CNTN5: variants seen among roughly 807,000 people sequenced by gnomAD.
The protein encoded by CNTN5 is contactin 5.
Under a neutral mutation model 129.1 loss-of-function variants are expected in CNTN5, and 77 were observed. That is an observed-to-expected ratio of 0.60 (90% CI 0.50 to 0.72). CNTN5 has a LOEUF of 0.72. Among genes scored for constraint, CNTN5 ranks in the 30% least tolerant of loss-of-function variants. The probability of loss-of-function intolerance (pLI) is 0.00; values close to 1 mark genes in which losing one functional copy is unlikely to be tolerated. For missense variants in CNTN5, 1,478 were observed against 1,328.8 expected, an observed-to-expected ratio of 1.11 and a Z score of -1.75; for synonymous variants, 509 against 465.6, an observed-to-expected ratio of 1.09 and a Z score of -1.20.
chr11:100,015,335 A>C (rs956360083), intron 9 of CNTN5, among the ~76,000 whole-genome samples: 1 of 152,160 alleles, frequency 6.6e-6, no homozygotes, highest in Non-Finnish European at 1.5e-5. Flanking sequence ...CAATTTTTCT[A>C]CTTGGGTTCT....
chr11:100,230,466 A>G (rs1949465512), intron 16 of CNTN5, among the ~76,000 whole-genome samples: 1 of 150,902 alleles, frequency 6.6e-6, no homozygotes, highest in African/African-American at 2.4e-5. Flanking sequence ...TTAAACTGAC[A>G]AAAAAGTAAC....
intron 1 of CNTN5, among the ~76,000 whole-genome samples, chr11:99,067,673 A>T (rs561558853): frequency 6.6e-6 from 1 of 152,296 alleles, no homozygotes; most frequent in East Asian, 1.9e-4. Flanking sequence ...CACTTTGTAA[A>T]ACTAAATTAA....
chr11:100,017,197 A>G (rs1940873196), intron 9 of CNTN5, among the ~76,000 whole-genome samples: 1 of 151,912 alleles, frequency 6.6e-6, no homozygotes, highest in South Asian at 2.1e-4. Flanking sequence ...CCTACAGAGA[A>G]ATGCAGCCTT....
intron 1 of CNTN5, among the ~76,000 whole-genome samples, chr11:99,320,943 C>T (rs1865542389): frequency 6.6e-6 from 1 of 152,122 alleles, no homozygotes; most frequent in Non-Finnish European, 1.5e-5. Flanking sequence ...CAGTTCAAGT[C>T]CTGAATAGAA....
chr11:100,354,482 T>G (rs1952482613), intron 24 of CNTN5, among the ~76,000 whole-genome samples: 2 of 151,822 alleles, frequency 1.3e-5, no homozygotes, highest in East Asian at 1.9e-4. Context: ...CACCATTTTT[T>G]GCCAGGTTTG....
chr11:100,025,142 A>G (rs1197794562), intron 9 of CNTN5, among the ~76,000 whole-genome samples: 3 of 152,306 alleles, frequency 2.0e-5, no homozygotes, highest in East Asian at 3.9e-4. Flanking sequence ...GCCCAGAGCC[A>G]TGCTGCTTTG....
chr11:99,233,713 C>T (rs185548530), intron 1 of CNTN5, among the ~76,000 whole-genome samples: 96 of 152,084 alleles, frequency 6.3e-4, no homozygotes, highest in African/African-American at 2.2e-3. Flanking sequence ...TTTGGGAGGC[C>T]GAGGTGGGTG....
At chr11:99,753,885 G>T (rs1438328374) in intron 3 of CNTN5, among the ~76,000 whole-genome samples, 1 of 150,200 alleles carries the variant, frequency 6.7e-6, no homozygotes, top group African/African-American at 2.4e-5. Context: ...ATGGGGTTTT[G>T]CTATGTTGGC....
intron 2 of CNTN5, among the ~76,000 whole-genome samples, chr11:99,389,324 G>T (rs574532056): frequency 6.6e-6 from 1 of 151,882 alleles, no homozygotes. Context: ...CACCGTGCCT[G>T]GCCTCCAGTC....
chr11:99,278,280 A>G (rs553566213), intron 1 of CNTN5, among the ~76,000 whole-genome samples: 10 of 151,768 alleles, frequency 6.6e-5, no homozygotes, highest in African/African-American at 1.7e-4. Context: ...TTTATTCACA[A>G]GAACCCTGTG....
intron 1 of CNTN5, among the ~76,000 whole-genome samples, chr11:99,104,179 G>T (rs1031609707): frequency 2.0e-5 from 3 of 152,110 alleles, no homozygotes; most frequent in Non-Finnish European, 4.4e-5. Flanking sequence ...TGACATAATG[G>T]TTGAAAGTAG....
rs373837549 is a variant in CNTN5, at chr11:99,102,239, T to C, written c.-210+80969T>C. Among the ~76,000 whole-genome samples, 5 of 152,070 alleles carry C rather than the reference T, an allele frequency of 3.3e-5. No individual in the cohort carries two copies. The East Asian group carries it at 5.8e-4, about 18-fold the overall frequency. ...ACCACAAAACCATATTTTTTTCTCATAGGCCTCTTGGTCAGTGATGGGAGG... is the reference window on the plus strand; with the variant it reads ...ACCACAAAACCATATTTTTTTCTCACAGGCCTCTTGGTCAGTGATGGGAGG... On this transcript the variant is annotated intron_variant, in intron 1 of 24. Transcript: ENST00000524871.
chr11:99,730,244 T>C (rs2135091702), intron 3 of CNTN5, among the ~76,000 whole-genome samples: 1 of 152,284 alleles, frequency 6.6e-6, no homozygotes, highest in East Asian at 1.9e-4. Flanking sequence ...TGGAACTGGC[T>C]TCTGATTCTA....
chr11:99,733,460 C>T (rs574663672), intron 3 of CNTN5, among the ~76,000 whole-genome samples: 2 of 149,660 alleles, frequency 1.3e-5, no homozygotes, highest in Non-Finnish European at 3.0e-5. Flanking sequence ...GCTAGTTGAG[C>T]AAAAATGAAA....
chr11:99,690,633 A>G (rs770681010), intron 3 of CNTN5, among the ~76,000 whole-genome samples: 35 of 152,064 alleles, frequency 2.3e-4, no homozygotes, highest in Non-Finnish European at 4.9e-4. Context: ...TGTTTGTGTC[A>G]TCTCTAATTT....
chr11:99,752,780 C>T (rs190341893), intron 3 of CNTN5, among the ~76,000 whole-genome samples: 3 of 152,126 alleles, frequency 2.0e-5, no homozygotes, highest in Non-Finnish European at 4.4e-5. Context: ...AAGCATTATC[C>T]GGTAGAAAAA....
chr11:99,961,222 A>AC (rs1258840310), intron 8 of CNTN5, among the ~76,000 whole-genome samples: 1 of 140,294 alleles, frequency 7.1e-6, no homozygotes, highest in East Asian at 2.1e-4. Flanking sequence ...AAAAAAAAAA[A>AC]AAACAGTAGA....
intron 7 of CNTN5, among the ~76,000 whole-genome samples, chr11:99,955,542 G>A (rs924794140): frequency 5.3e-5 from 8 of 151,910 alleles, no homozygotes; most frequent in African/African-American, 1.7e-4. Context: ...AAAATTCTCA[G>A]GCTTCTGCTA....
chr11:99,164,572 T>G (rs1860786538), intron 1 of CNTN5, among the ~76,000 whole-genome samples: 1 of 152,172 alleles, frequency 6.6e-6, no homozygotes, highest in Admixed American at 6.5e-5. Flanking sequence ...AGTAACATAC[T>G]TACTCTTAAT....
Sources: allele counts gnomAD v4.1 joint callset (sites outside exome capture counted in the v4.1 genomes callset), GRCh38; gene constraint gnomAD v4.1.1; transcripts MANE v1.5; gene names NCBI Gene and HGNC (gene_info 2026-07-23, HGNC 2026-07-21).